The following ZFAND3 variants were observed in gnomAD, a reference collection of about 807,000 sequenced individuals.
ZFAND3 encodes the protein AN1-type zinc finger protein 3.
A neutral mutation model predicts 29.6 loss-of-function variants in ZFAND3; 10 were observed. That is an observed-to-expected ratio of 0.34 (90% CI 0.21 to 0.57). The LOEUF is 0.57. Ranked by LOEUF, ZFAND3 falls within the 20% of genes least tolerant of loss-of-function variation. ZFAND3 has a pLI of 0.86. For synonymous variants in ZFAND3, 128 were observed against 112.6 expected, an observed-to-expected ratio of 1.14 and a Z score of -0.87; for missense variants, 230 against 304.5, an observed-to-expected ratio of 0.76 and a Z score of 1.82.
At chr6:38,090,889 T>C (rs1764854105) in intron 4 of ZFAND3, among the ~76,000 whole-genome samples, 2 of 152,228 alleles carry the variant, frequency 1.3e-5, no homozygotes, top group South Asian at 4.1e-4. Context: ...TTAACTGTTT[T>C]GTAATTGGAG....
chr6:37,930,526 C>T (rs1581770864), intron 2 of ZFAND3, among the ~76,000 whole-genome samples: 1 of 152,080 alleles, frequency 6.6e-6, no homozygotes, highest in African/African-American at 2.4e-5. Context: ...GAGACCTTGT[C>T]TCTATAAAAA....
intron 2 of ZFAND3, among the ~76,000 whole-genome samples, chr6:37,981,657 T>C (rs1762581314): frequency 6.6e-6 from 1 of 152,196 alleles, no homozygotes; most frequent in South Asian, 2.1e-4. Flanking sequence ...ATATAGTGTT[T>C]GACTCTGGGT....
intron 2 of ZFAND3, among the ~76,000 whole-genome samples, chr6:37,959,219 T>A (rs1178387673): frequency 6.6e-6 from 1 of 152,258 alleles, no homozygotes; most frequent in Admixed American, 6.5e-5. Context: ...CAGTGGTTTG[T>A]AAATCAGGCT....
intron 1 of ZFAND3, among the ~76,000 whole-genome samples, chr6:37,852,721 T>C (rs1050544886): frequency 3.0e-4 from 45 of 149,950 alleles, no homozygotes; most frequent in Non-Finnish European, 6.1e-4. Context: ...TCTTTTCTTT[T>C]TTTTTTTTTT....
At chr6:38,053,437 A>G (rs1764069425) in intron 2 of ZFAND3, among the ~76,000 whole-genome samples, 1 of 152,052 alleles carries the variant, frequency 6.6e-6, no homozygotes, top group Admixed American at 6.6e-5. Context: ...TAATCCCAGC[A>G]CTTTGGAAAG....
chr6:38,021,184 C>A (rs1420621259), intron 2 of ZFAND3, among the ~76,000 whole-genome samples: 1 of 151,936 alleles, frequency 6.6e-6, no homozygotes, highest in Non-Finnish European at 1.5e-5. Flanking sequence ...CCCTGCTGAG[C>A]TTTACAATTG....
At chr6:38,079,325 T>C (rs1000097078) in intron 3 of ZFAND3, among the ~76,000 whole-genome samples, 6 of 152,208 alleles carry the variant, frequency 3.9e-5, no homozygotes, top group Non-Finnish European at 5.9e-5. Flanking sequence ...TACTGTAATA[T>C]AGTGAATACA....
intron 1 of ZFAND3, among the ~76,000 whole-genome samples, chr6:37,837,566 G>A (rs1763992290): frequency 6.7e-6 from 1 of 150,312 alleles, no homozygotes. Flanking sequence ...GTGCAATGGT[G>A]CAATCTTGGC....
chr6:38,121,434 A>C (rs1354992494), intron 5 of ZFAND3, among the ~76,000 whole-genome samples: 1 of 152,214 alleles, frequency 6.6e-6, no homozygotes, highest in African/African-American at 2.4e-5. Context: ...GGAGCATCAC[A>C]ATTTACCTGG....
intron 1 of ZFAND3, among the ~76,000 whole-genome samples, chr6:37,872,523 C>T (rs1480238031): frequency 6.6e-6 from 1 of 152,092 alleles, no homozygotes. Context: ...CCTTTCATTT[C>T]TCTTCATGTC....
chr6:37,910,159 C>T (rs1295410080), intron 1 of ZFAND3, among the ~76,000 whole-genome samples: 1 of 152,168 alleles, frequency 6.6e-6, no homozygotes, highest in African/African-American at 2.4e-5. Flanking sequence ...GACCAGGCCT[C>T]CTGGGCTGCA....
intron 1 of ZFAND3, among the ~76,000 whole-genome samples, chr6:37,903,847 C>T (rs548686601): frequency 6.6e-6 from 1 of 152,208 alleles, no homozygotes; most frequent in Admixed American, 6.5e-5. Context: ...ACAATAGTCC[C>T]TTTATGAGGT....
chr6:37,975,682 CA>C (rs1277966986), intron 2 of ZFAND3, among the ~76,000 whole-genome samples: 6 of 152,196 alleles, frequency 3.9e-5, no homozygotes, highest in South Asian at 2.1e-4. Flanking sequence ...GGGACTTTGT[CA>C]AAAGTCAGTT....
intron 1 of ZFAND3, among the ~76,000 whole-genome samples, chr6:37,929,518 G>A (rs1761552806): frequency 6.6e-6 from 1 of 152,178 alleles, no homozygotes; most frequent in African/African-American, 2.4e-5. Context: ...AAATGACTGT[G>A]TATATGAGGA....
intron 2 of ZFAND3, among the ~76,000 whole-genome samples, chr6:37,969,857 G>A (rs1264379625): frequency 6.6e-6 from 1 of 152,132 alleles, no homozygotes; most frequent in Non-Finnish European, 1.5e-5. Flanking sequence ...TGGGAACCTT[G>A]CTTAGTAGAT....
intron 2 of ZFAND3, among the ~76,000 whole-genome samples, chr6:37,976,302 C>T (rs1762476498): frequency 6.6e-6 from 1 of 152,088 alleles, no homozygotes; most frequent in Non-Finnish European, 1.5e-5. Context: ...CTACCAGAGG[C>T]CAGGCGTGGT....
chr6:38,007,362 C>T (rs891849404), intron 2 of ZFAND3, among the ~76,000 whole-genome samples: 1 of 151,944 alleles, frequency 6.6e-6, no homozygotes, highest in Non-Finnish European at 1.5e-5. Context: ...GAGTTCAGGA[C>T]CAGTAAAACT....
chr6:38,002,288 T>C (rs987882485), intron 2 of ZFAND3, among the ~76,000 whole-genome samples: 2 of 150,790 alleles, frequency 1.3e-5, no homozygotes, highest in African/African-American at 4.8e-5. Flanking sequence ...TTCTTTTCTT[T>C]TTTTTTTTTT....
intron 2 of ZFAND3, among the ~76,000 whole-genome samples, chr6:37,970,231 A>G (rs1481901016): frequency 6.6e-6 from 1 of 152,332 alleles, no homozygotes; most frequent in East Asian, 1.9e-4. Flanking sequence ...GAAGAAAAAC[A>G]TGTATAGGTC....
Sources: allele counts gnomAD v4.1 joint callset (sites outside exome capture counted in the v4.1 genomes callset), GRCh38; gene constraint gnomAD v4.1.1; transcripts MANE v1.5; gene names NCBI Gene and HGNC (gene_info 2026-07-23, HGNC 2026-07-21).